The following PTPRN2 variants were observed in gnomAD, a reference collection of about 807,000 sequenced individuals.
PTPRN2 encodes the protein receptor-type tyrosine-protein phosphatase N2.
In PTPRN2, 74 loss-of-function variants were observed where a neutral mutation model predicts 118.8. That is an observed-to-expected ratio of 0.62 (90% CI 0.52 to 0.76). The LOEUF (loss-of-function observed/expected upper bound fraction) is 0.76. Among genes scored for constraint, PTPRN2 ranks in the 30% least tolerant of loss-of-function variants. The pLI is 0.00. For missense variants in PTPRN2, 1,481 were observed against 1,394.4 expected (o/e 1.06, Z -0.99); for synonymous variants, 641 against 608.0 (o/e 1.05, Z -0.80).
At chr7:158,432,518 C>G (rs1039230767) in intron 2 of PTPRN2, among the ~76,000 whole-genome samples, 4 of 152,238 alleles carry the variant, frequency 2.6e-5, no homozygotes, top group Non-Finnish European at 5.9e-5. Flanking sequence ...ATCACTTAAA[C>G]GCCTGCAGCC....
At position 158,351,266 on chromosome 7, in the gene PTPRN2, C is replaced by T. The variant is rs527707332; in HGVS notation, c.164-34334G>A. ...GGAGGGTCCAGGAGGGGGACTCACCCGCTGGCACCATTGGCCACTGCACAC... is the reference window on the plus strand; with the variant it reads ...GGAGGGTCCAGGAGGGGGACTCACCTGCTGGCACCATTGGCCACTGCACAC... On this transcript the variant is annotated intron_variant, in intron 2 of 22. Transcript: ENST00000389418. Among the ~76,000 whole-genome samples, 140 of 152,254 alleles carry T rather than the reference C, an allele frequency of 9.2e-4. 1 individual carries two copies. The highest frequency in any genetic ancestry group is 3.2e-3 in the African/African-American group (131 of 41,540).
chr7:157,775,893 C>T (rs1369702502), intron 12 of PTPRN2, among the ~76,000 whole-genome samples: 2 of 152,046 alleles, frequency 1.3e-5, no homozygotes, highest in Non-Finnish European at 2.9e-5. Flanking sequence ...ACAGTAACGC[C>T]GCTGTCTCTG....
At chr7:158,487,994 T>C (rs902003609) in intron 2 of PTPRN2, among the ~76,000 whole-genome samples, 1 of 151,902 alleles carries the variant, frequency 6.6e-6, no homozygotes, top group Admixed American at 6.5e-5. Flanking sequence ...GACGACTCTA[T>C]GTCTGGGAGG....
chr7:158,108,067 T>TAGGAAG (rs1815832038), intron 10 of PTPRN2, among the ~76,000 whole-genome samples: 2 of 151,576 alleles, frequency 1.3e-5, no homozygotes, highest in Non-Finnish European at 2.9e-5. Flanking sequence ...CCCTTCCTAC[T>TAGGAAG]GCATTCACCC....
At chr7:158,343,221 C>T (rs964885542) in intron 2 of PTPRN2, among the ~76,000 whole-genome samples, 1 of 152,024 alleles carries the variant, frequency 6.6e-6, no homozygotes, top group Non-Finnish European at 1.5e-5. Flanking sequence ...AACAAAAAAC[C>T]TGATTAAAAA....
intron 7 of PTPRN2, among the ~76,000 whole-genome samples, chr7:158,137,569 C>T (rs1178175481): frequency 1.3e-5 from 2 of 152,136 alleles, no homozygotes; most frequent in Non-Finnish European, 2.9e-5. Context: ...GGTCCCGATT[C>T]CTTCAACCAC....
intron 3 of PTPRN2, among the ~76,000 whole-genome samples, chr7:158,288,043 C>A (rs1799875451): frequency 6.6e-6 from 1 of 152,018 alleles, no homozygotes; most frequent in Admixed American, 6.5e-5. Context: ...TGAATTGACC[C>A]CTTTATCACT....
intron 15 of PTPRN2, among the ~76,000 whole-genome samples, chr7:157,607,037 T>C (rs1289351047): frequency 5.9e-5 from 9 of 152,230 alleles, no homozygotes; most frequent in African/African-American, 2.4e-5. Flanking sequence ...AGGAATGTCA[T>C]GAAGCTGCAA....
At chr7:158,557,113 G>T (rs2129450645) in intron 1 of PTPRN2, among the ~76,000 whole-genome samples, 1 of 132,550 alleles carries the variant, frequency 7.5e-6, no homozygotes, top group Non-Finnish European at 1.6e-5. Flanking sequence ...TCCTGGGCAG[G>T]TCGCTCCCGC....
intron 3 of PTPRN2, among the ~76,000 whole-genome samples, chr7:158,312,720 G>T (rs1421779297): frequency 4.1e-5 from 1 of 24,472 alleles, no homozygotes; most frequent in African/African-American, 9.4e-5. Context: ...CTCACATATA[G>T]ATACCCACAC....
intron 1 of PTPRN2, among the ~76,000 whole-genome samples, chr7:158,553,974 T>G (rs1826824195): frequency 6.6e-6 from 1 of 151,110 alleles, no homozygotes; most frequent in Non-Finnish European, 1.5e-5. Context: ...CATTTCCTCA[T>G]AGACTTGGGG....
chr7:157,704,101 C>T (rs1224917885), intron 12 of PTPRN2, among the ~76,000 whole-genome samples: 1 of 152,212 alleles, frequency 6.6e-6, no homozygotes, highest in Non-Finnish European at 1.5e-5. Flanking sequence ...TGTTTCTACT[C>T]ACACGATTGG....
intron 11 of PTPRN2, among the ~76,000 whole-genome samples, chr7:157,906,253 C>T (rs1797763483): frequency 6.6e-6 from 1 of 152,234 alleles, no homozygotes; most frequent in Admixed American, 6.5e-5. Context: ...CACCTCCTTT[C>T]CTTTTTGGGC....
At chr7:158,129,277 CACACACA>C (rs1000686882) in intron 9 of PTPRN2, among the ~76,000 whole-genome samples, 3 of 149,792 alleles carry the variant, frequency 2.0e-5, no homozygotes, top group Admixed American at 1.3e-4. Context: ...CACTACACAC[CACACACA>C]ACACATAAAC....
Position 157,649,211 on chromosome 7 carries a change from CA to C in PTPRN2, c.2196+7145del, listed in dbSNP as rs1805429284. ...TCGCTGTGCACTGAACTCGGTGGGT[CA>C]GACCCATCCAGCGTGCACTGAACTC... On this transcript the variant is annotated intron_variant, in intron 14 of 22. Transcript: ENST00000389418. Among the ~76,000 whole-genome samples the C allele has an allele frequency of 2.8e-5, 3 of 107,162 alleles. 1 individual carries two copies. Among genetic ancestry groups the C allele is most frequent in the East Asian group, 8.3e-4 (2 of 2,400 alleles). The allele number at this position is 107,162 out of a possible 152,430, so 70.3% of individuals were successfully genotyped here.
At chr7:158,433,371 C>A (rs1816361686) in intron 2 of PTPRN2, among the ~76,000 whole-genome samples, 1 of 152,322 alleles carries the variant, frequency 6.6e-6, no homozygotes, top group South Asian at 2.1e-4. Context: ...ACGAACCAAG[C>A]TGCTAGGCAC....
intron 2 of PTPRN2, among the ~76,000 whole-genome samples, chr7:158,409,280 G>A (rs1274096207): frequency 6.6e-6 from 1 of 152,226 alleles, no homozygotes; most frequent in African/African-American, 2.4e-5. Context: ...GCCATTGCCT[G>A]TGTTCAGGGC....
chr7:158,276,185 T>G (rs1798949205), intron 3 of PTPRN2, among the ~76,000 whole-genome samples: 1 of 151,612 alleles, frequency 6.6e-6, no homozygotes, highest in Non-Finnish European at 1.5e-5. Flanking sequence ...TCTCTGCCCT[T>G]GAAGCACAGC....
At chr7:158,143,791 A>C (rs1415156330) in intron 6 of PTPRN2, among the ~76,000 whole-genome samples, 1 of 152,162 alleles carries the variant, frequency 6.6e-6, no homozygotes, top group Non-Finnish European at 1.5e-5. Context: ...TTCCAAGTCC[A>C]AAGATCCCTT....
Sources: allele counts gnomAD v4.1 joint callset (sites outside exome capture counted in the v4.1 genomes callset), GRCh38; gene constraint gnomAD v4.1.1; transcripts MANE v1.5; gene names NCBI Gene and HGNC (gene_info 2026-07-23, HGNC 2026-07-21).